The following GPC6 variants were observed in gnomAD, a reference collection of about 807,000 sequenced individuals.
GPC6 encodes glypican-6.
In GPC6, 14 loss-of-function variants were observed where a neutral mutation model predicts 55.2. The ratio of observed to expected loss-of-function variants is 0.25; its 90% CI spans 0.17 to 0.40. The LOEUF (loss-of-function observed/expected upper bound fraction) is 0.40, where lower values mean the gene tolerates loss of function less well. Among genes scored for constraint, GPC6 ranks in the 10% least tolerant of loss-of-function variants. The probability of loss-of-function intolerance (pLI) is 1.00; values close to 1 mark genes in which losing one functional copy is unlikely to be tolerated. For missense variants in GPC6, 641 were observed against 708.5 expected, an observed-to-expected ratio of 0.90 and a Z score of 1.08; for synonymous variants, 278 against 259.6, an observed-to-expected ratio of 1.07 and a Z score of -0.68.
At chr13:93,735,300 C>T (rs929052129) in intron 2 of GPC6, among the ~76,000 whole-genome samples, 2 of 151,940 alleles carry the variant, frequency 1.3e-5, no homozygotes, top group East Asian at 1.9e-4. Flanking sequence ...TTTGGGAGGC[C>T]GAGGTGGGTG....
intron 1 of GPC6, among the ~76,000 whole-genome samples, chr13:93,326,230 T>C (rs1026557831): frequency 1.3e-5 from 2 of 152,148 alleles, no homozygotes; most frequent in African/African-American, 4.8e-5. Context: ...TTGAGAGGTA[T>C]AGGCCAGTGC....
At chr13:94,341,456 T>C (rs901565756) in intron 6 of GPC6, among the ~76,000 whole-genome samples, 2 of 151,894 alleles carry the variant, frequency 1.3e-5, no homozygotes, top group Admixed American at 1.3e-4. Flanking sequence ...TGTGGTGGCG[T>C]GCACCTGTAA....
chr13:93,343,307 G>T (rs570978612), intron 1 of GPC6, among the ~76,000 whole-genome samples: 1 of 152,144 alleles, frequency 6.6e-6, no homozygotes, highest in African/African-American at 2.4e-5. Flanking sequence ...TGGATTGGCT[G>T]AGTCCCATAC....
intron 3 of GPC6, among the ~76,000 whole-genome samples, chr13:93,855,759 T>TGAAG (rs1260981053): frequency 2.2e-4 from 33 of 151,884 alleles, no homozygotes; most frequent in African/African-American, 7.9e-4. Context: ...TGCATTTCCC[T>TGAAG]GATGACATAT....
chr13:93,406,565 T>A (rs1361861567), intron 1 of GPC6, among the ~76,000 whole-genome samples: 1 of 152,222 alleles, frequency 6.6e-6, no homozygotes. Context: ...AATAACTTCA[T>A]GTATGTGTGT....
chr13:93,778,351 AAG>A (rs138505944), intron 2 of GPC6, among the ~76,000 whole-genome samples: 3,749 of 152,252 alleles, frequency 0.025, 152 homozygotes, highest in African/African-American at 0.084. Flanking sequence ...AGTGAATTAT[AAG>A]AGAGATTTCC....
chr13:94,013,210 G>T (rs896564461), intron 3 of GPC6, among the ~76,000 whole-genome samples: 9 of 106,356 alleles, frequency 8.5e-5, no homozygotes, highest in African/African-American at 2.8e-4. Context: ...GTGTGTGCAT[G>T]TGTGTATGTA....
At chr13:94,287,419 G>A (rs1194686233) in intron 5 of GPC6, among the ~76,000 whole-genome samples, 1 of 152,142 alleles carries the variant, frequency 6.6e-6, no homozygotes, top group Non-Finnish European at 1.5e-5. Flanking sequence ...CACAGAGGAG[G>A]GGACAGGTAG....
Position 94,016,334 on chromosome 13 carries a change from G to A in GPC6, c.712-11395G>A, listed in dbSNP as rs1337832. On this transcript the variant is annotated intron_variant, in intron 3 of 8. Transcript: ENST00000377047. ...TCTTAGCTATTTGAATAATGTTTCAGTGAATGAGAATCTAATGCCTCCACT... is the reference window on the plus strand; with the variant it reads ...TCTTAGCTATTTGAATAATGTTTCAATGAATGAGAATCTAATGCCTCCACT... Among the ~76,000 whole-genome samples, 156 of 152,258 alleles carry A rather than the reference G, an allele frequency of 1.0e-3. No individual in the cohort carries two copies. In the East Asian group the frequency reaches 0.015, roughly 14 times the overall value.
intron 1 of GPC6, among the ~76,000 whole-genome samples, chr13:93,307,500 A>G (rs1377527576): frequency 6.6e-6 from 1 of 152,132 alleles, no homozygotes; most frequent in African/African-American, 2.4e-5. Context: ...ACTTTATAAA[A>G]TAGTTATTAT....
intron 2 of GPC6, among the ~76,000 whole-genome samples, chr13:93,579,518 A>G (rs1257556216): frequency 6.6e-6 from 1 of 152,098 alleles, no homozygotes; most frequent in Non-Finnish European, 1.5e-5. Flanking sequence ...GATGGGAGAA[A>G]TTATGTGTGT....
chr13:93,597,038 A>C (rs905190826), intron 2 of GPC6, among the ~76,000 whole-genome samples: 2 of 150,866 alleles, frequency 1.3e-5, no homozygotes, highest in South Asian at 2.1e-4. Context: ...AAAGAAAAGA[A>C]AAGACTAGTG....
chr13:93,461,565 C>T (rs1014476134), intron 1 of GPC6, among the ~76,000 whole-genome samples: 1 of 143,830 alleles, frequency 7.0e-6, no homozygotes, highest in African/African-American at 2.6e-5. Flanking sequence ...CTACCATTGT[C>T]TTCTGAAACA....
At chr13:93,291,330 C>T (rs1330947956) in intron 1 of GPC6, among the ~76,000 whole-genome samples, 1 of 152,068 alleles carries the variant, frequency 6.6e-6, no homozygotes, top group East Asian at 1.9e-4. Context: ...ATGCCATTGT[C>T]TCTTGATTTC....
At chr13:93,791,009 A>G (rs1362162654) in intron 2 of GPC6, among the ~76,000 whole-genome samples, 3 of 152,216 alleles carry the variant, frequency 2.0e-5, no homozygotes, top group Non-Finnish European at 4.4e-5. Context: ...TTAGTTTTTG[A>G]AAAGAGGAAC....
intron 4 of GPC6, among the ~76,000 whole-genome samples, chr13:94,036,216 G>A (rs1218148954): frequency 6.6e-6 from 1 of 152,004 alleles, no homozygotes; most frequent in African/African-American, 2.4e-5. Flanking sequence ...TAGATACTTG[G>A]TCAGATATCC....
chr13:94,041,072 C>A (rs1371639150), intron 4 of GPC6, among the ~76,000 whole-genome samples: 3 of 151,776 alleles, frequency 2.0e-5, no homozygotes, highest in Non-Finnish European at 4.4e-5. Context: ...TTGTGAATTG[C>A]CAGTGAAGGT....
intron 6 of GPC6, among the ~76,000 whole-genome samples, chr13:94,368,969 A>G (rs142388798): frequency 2.0e-5 from 3 of 152,372 alleles, no homozygotes; most frequent in African/African-American, 7.2e-5. Context: ...TTGACCAAGT[A>G]AAACGGCCTT....
At chr13:93,421,891 C>G (rs992203480) in intron 1 of GPC6, among the ~76,000 whole-genome samples, 1 of 152,174 alleles carries the variant, frequency 6.6e-6, no homozygotes, top group East Asian at 1.9e-4. Flanking sequence ...TTCATATGCA[C>G]AGTGGATGAT....
Sources: allele counts gnomAD v4.1 joint callset (sites outside exome capture counted in the v4.1 genomes callset), GRCh38; gene constraint gnomAD v4.1.1; transcripts MANE v1.5; gene names NCBI Gene and HGNC (gene_info 2026-07-23, HGNC 2026-07-21).